MARK1: variants seen among roughly 807,000 people sequenced by gnomAD.
MARK1 encodes microtubule affinity regulating kinase 1.
Under a neutral mutation model 96.3 loss-of-function variants are expected in MARK1, and 40 were observed. The ratio of observed to expected loss-of-function variants is 0.42; its 90% CI spans 0.32 to 0.54. The LOEUF (loss-of-function observed/expected upper bound fraction) is 0.54. Among genes scored for constraint, MARK1 ranks in the 20% least tolerant of loss-of-function variants. MARK1 has a pLI of 0.16. For synonymous variants in MARK1, 317 were observed against 341.2 expected, an observed-to-expected ratio of 0.93 and a Z score of 0.78; for missense variants, 719 against 984.6, an observed-to-expected ratio of 0.73 and a Z score of 3.61.
At chr1:220,649,291 A>T (rs1346967631) in intron 13 of MARK1, among the ~76,000 whole-genome samples, 1 of 151,702 alleles carries the variant, frequency 6.6e-6, no homozygotes, top group Non-Finnish European at 1.5e-5. Flanking sequence ...TGATGCAATC[A>T]CAGCTCACTG....
At chr1:220,629,453 T>C (rs1572202379) in intron 9 of MARK1, among the ~76,000 whole-genome samples, 1 of 151,996 alleles carries the variant, frequency 6.6e-6, no homozygotes, top group Non-Finnish European at 1.5e-5. Context: ...TAACTATGTG[T>C]ACATTGTTGT....
chr1:220,551,199 C>T (rs545702004), intron 1 of MARK1, among the ~76,000 whole-genome samples: 38 of 152,194 alleles, frequency 2.5e-4, no homozygotes, highest in African/African-American at 4.8e-4. Flanking sequence ...AGTGGTCCAG[C>T]GGGAGCTGAA....
rs748225986 is a variant in MARK1 at position 220,661,839 on chromosome 1, A to G, written c.2061A>G (p.Arg687=). 1.9e-5 allele frequency: 31 copies of G among 1,610,764 alleles called. No individual in the cohort carries two copies. The highest frequency in any genetic ancestry group is 6.8e-6 in the Non-Finnish European group (8 of 1,177,962). Residue 687 remains arginine, a synonymous_variant, in exon 18 of 18, where the codon AGA becomes AGG. Coordinates refer to ENST00000366917, the MANE Select transcript of MARK1 (RefSeq NM_018650.5). ...SRSTSGEPKE[R]DKEEGKDSKP... ...GTACATCAGGGGAACCAAAAGAAAG[A>G]GACAAGGAAGAGGGTAAAGATTCTA...
At position 220,653,472 on chromosome 1, in the gene MARK1, G is replaced by T. The variant is rs530006966; in HGVS notation, c.1988+120G>T. On this transcript the variant is annotated intron_variant, in intron 16 of 17. Coordinates refer to ENST00000366917, the MANE Select transcript of MARK1 (RefSeq NM_018650.5). Reference sequence around the variant, plus strand: ...GGTTTCATAACATTTCATTAGAGCTGCTCTTTTACAGAGTTGGAAGAAAAA... The same window carrying T: ...GGTTTCATAACATTTCATTAGAGCTTCTCTTTTACAGAGTTGGAAGAAAAA... 3.7e-6 allele frequency: 4 copies of T among 1,074,284 alleles called. No individual in the cohort carries two copies. In the South Asian group the frequency reaches 7.9e-5, roughly 21 times the overall value. The allele number at this position is 1,074,284 out of a possible 1,614,324, so 66.5% of individuals were successfully genotyped here.
intron 9 of MARK1, chr1:220,626,566 G>A: frequency 2.3e-6 from 1 of 429,048 alleles, no homozygotes; most frequent in South Asian, 1.8e-5. Context: ...GCTCATGCCT[G>A]TTCTCAGCAT....
At chr1:220,614,892 T>C (rs1365311228) in intron 6 of MARK1, among the ~76,000 whole-genome samples, 1 of 152,194 alleles carries the variant, frequency 6.6e-6, no homozygotes, top group Non-Finnish European at 1.5e-5. Flanking sequence ...ACTTGTACTT[T>C]GAAGTTTTTT....
At position 220,609,120 on chromosome 1, in the gene MARK1, G is replaced by A. The variant is rs142307443; in HGVS notation, c.495+4983G>A. ...AAGTCCTGGATATCCTTGTTAACCT[G>A]TCTCATTGATCTGTCTAATATTGAC... is the stretch of plus-strand genomic sequence containing the variant. On this transcript the variant is annotated intron_variant, in intron 6 of 17. Coordinates refer to ENST00000366917, the MANE Select transcript of MARK1 (RefSeq NM_018650.5). Among the ~76,000 whole-genome samples the A allele has an allele frequency of 5.4e-3, 814 of 151,822 alleles. 4 individuals carry two copies. Among genetic ancestry groups the A allele is most frequent in the South Asian group, 0.011 (52 of 4,812 alleles).
intron 9 of MARK1, among the ~76,000 whole-genome samples, chr1:220,625,076 G>A (rs1667252361): frequency 3.3e-5 from 5 of 152,172 alleles, no homozygotes; most frequent in Admixed American, 2.6e-4. Flanking sequence ...CTTACCCAGG[G>A]ATCTTGTAGC....
chr1:220,561,712 A>G (rs1662680952), intron 1 of MARK1, among the ~76,000 whole-genome samples: 1 of 152,210 alleles, frequency 6.6e-6, no homozygotes, highest in Admixed American at 6.5e-5. Context: ...AGTATAGACA[A>G]TGGGTAATGA....
At chr1:220,575,029 C>T (rs569121297) in intron 1 of MARK1, among the ~76,000 whole-genome samples, 1 of 152,262 alleles carries the variant, frequency 6.6e-6, no homozygotes, top group South Asian at 2.1e-4. Context: ...AAAAATATTT[C>T]TAAGGATGTA....
intron 1 of MARK1, among the ~76,000 whole-genome samples, chr1:220,567,497 G>C (rs1663138214): frequency 6.6e-6 from 1 of 152,092 alleles, no homozygotes; most frequent in Non-Finnish European, 1.5e-5. Context: ...CACATTAAAG[G>C]CTATTCAGGC....
At chr1:220,542,285 A>G (rs977376812) in intron 1 of MARK1, among the ~76,000 whole-genome samples, 14 of 152,210 alleles carry the variant, frequency 9.2e-5, no homozygotes, top group Admixed American at 6.5e-4. Context: ...TTTAATATAT[A>G]GTAATTTGTT....
At chr1:220,605,735 A>G (rs962148088) in intron 6 of MARK1, among the ~76,000 whole-genome samples, 9 of 149,970 alleles carry the variant, frequency 6.0e-5, no homozygotes, top group African/African-American at 9.9e-5. Context: ...TCATTGTTCA[A>G]TTCCCACCTA....
intron 10 of MARK1, among the ~76,000 whole-genome samples, chr1:220,631,625 T>G (rs1273400605): frequency 6.6e-6 from 1 of 152,200 alleles, no homozygotes; most frequent in Non-Finnish European, 1.5e-5. Context: ...ACTTGTTCTC[T>G]TCATTTCACA....
At chr1:220,611,210 T>A (rs1006324145) in intron 6 of MARK1, among the ~76,000 whole-genome samples, 2 of 152,166 alleles carry the variant, frequency 1.3e-5, no homozygotes, top group Non-Finnish European at 2.9e-5. Flanking sequence ...TAGGCCTAGT[T>A]GGGCTGCGGT....
At chr1:220,552,280 A>AC (rs1661916142) in intron 1 of MARK1, among the ~76,000 whole-genome samples, 1 of 152,068 alleles carries the variant, frequency 6.6e-6, no homozygotes, top group Admixed American at 6.6e-5. Flanking sequence ...CTAGAAAAAA[A>AC]TTTTTTTACT....
chr1:220,575,660 A>T (rs1379197063), intron 1 of MARK1, among the ~76,000 whole-genome samples: 1 of 152,022 alleles, frequency 6.6e-6, no homozygotes, highest in East Asian at 1.9e-4. Context: ...TAATATATGT[A>T]ATATAAAATA....
At chr1:220,601,219 C>T (rs1665726261) in intron 5 of MARK1, among the ~76,000 whole-genome samples, 1 of 151,604 alleles carries the variant, frequency 6.6e-6, no homozygotes, top group Non-Finnish European at 1.5e-5. Context: ...CGCCTGGCCT[C>T]ATATTTCTAA....
intron 1 of MARK1, among the ~76,000 whole-genome samples, chr1:220,544,297 C>T (rs1661335349): frequency 6.6e-6 from 1 of 152,152 alleles, no homozygotes; most frequent in Non-Finnish European, 1.5e-5. Flanking sequence ...ATACCCAATG[C>T]AACAGTGGTG....
Sources: allele counts gnomAD v4.1 joint callset (sites outside exome capture counted in the v4.1 genomes callset), GRCh38; gene constraint gnomAD v4.1.1; transcripts MANE v1.5; gene names NCBI Gene and HGNC (gene_info 2026-07-23, HGNC 2026-07-21).